Variants in PPM1L observed in about 807,000 individuals in gnomAD.
The protein encoded by PPM1L is protein phosphatase, Mg2+/Mn2+ dependent 1L, also known as protein phosphatase 1L.
A neutral mutation model predicts 31.4 loss-of-function variants in PPM1L; 13 were observed. That is an observed-to-expected ratio of 0.41 (90% CI 0.27 to 0.66). The LOEUF (loss-of-function observed/expected upper bound fraction) is 0.66. PPM1L is among the 30% of genes least tolerant of loss of function. PPM1L has a pLI of 0.29. For missense variants in PPM1L, 326 were observed against 453.7 expected (o/e 0.72, Z 2.56); for synonymous variants, 184 against 175.4 (o/e 1.05, Z -0.39).
Position 160,849,670 on chromosome 3 carries a change from C to T in PPM1L, c.399+92963C>T, listed in dbSNP as rs139726744. ...CGATCTCCTGACCTTGTGATCCGCC[C>T]GCCTCAGCCTCCCGAGTATCTGGGA... is the stretch of plus-strand genomic sequence containing the variant. On this transcript the variant is annotated intron_variant, in intron 1 of 3. Coordinates refer to ENST00000498165, the MANE Select transcript of PPM1L (RefSeq NM_139245.4). Among the ~76,000 whole-genome samples, 909 of 147,160 alleles carry T rather than the reference C, an allele frequency of 6.2e-3. 9 individuals carry two copies. Among genetic ancestry groups the T allele is most frequent in the African/African-American group, 0.021 (838 of 39,918 alleles).
intron 1 of PPM1L, among the ~76,000 whole-genome samples, chr3:160,876,577 C>T (rs1187012712): frequency 7.2e-5 from 11 of 152,238 alleles, no homozygotes; most frequent in Non-Finnish European, 2.9e-5. Context: ...GCTCCTGTTA[C>T]TGCAGACACT....
intron 1 of PPM1L, among the ~76,000 whole-genome samples, chr3:160,888,991 A>C (rs1034748287): frequency 3.3e-5 from 5 of 152,250 alleles, no homozygotes; most frequent in Admixed American, 3.3e-4. Context: ...TCTCTGGGAC[A>C]CAGCTAAAGC....
At chr3:160,958,329 T>C (rs1158267150) in intron 1 of PPM1L, among the ~76,000 whole-genome samples, 2 of 152,196 alleles carry the variant, frequency 1.3e-5, no homozygotes, top group Non-Finnish European at 2.9e-5. Context: ...CGAGTTAATT[T>C]TTGTATATTG....
chr3:160,798,767 A>G (rs1006784325), intron 1 of PPM1L, among the ~76,000 whole-genome samples: 2 of 152,196 alleles, frequency 1.3e-5, no homozygotes, highest in Non-Finnish European at 1.5e-5. Context: ...TTCAGGTCTT[A>G]TTATTTAGGA....
At chr3:161,068,772 T>C (rs762359869) in intron 3 of PPM1L, 39 bp from the exon 4 acceptor site, 5 of 1,531,222 alleles carry the variant, frequency 3.3e-6, no homozygotes, top group Non-Finnish European at 3.6e-6. Context: ...AAGTGAGATA[T>C]CAGCTGGTCA....
At chr3:160,966,812 A>G (rs1469611217) in intron 2 of PPM1L, among the ~76,000 whole-genome samples, 3 of 152,138 alleles carry the variant, frequency 2.0e-5, no homozygotes, top group Non-Finnish European at 4.4e-5. Context: ...ACTACACTCA[A>G]AGTCACATTA....
At chr3:161,025,243 T>A (rs1718345392) in intron 2 of PPM1L, among the ~76,000 whole-genome samples, 2 of 152,206 alleles carry the variant, frequency 1.3e-5, no homozygotes, top group South Asian at 4.2e-4. Flanking sequence ...GAGCTTCTCC[T>A]TCATGAATAG....
At chr3:160,919,994 G>T (rs1416804536) in intron 1 of PPM1L, among the ~76,000 whole-genome samples, 1 of 152,008 alleles carries the variant, frequency 6.6e-6, no homozygotes, top group Non-Finnish European at 1.5e-5. Flanking sequence ...TATTGCCTTG[G>T]ACTCCCAGGG....
chr3:160,825,266 G>A (rs73155994), intron 1 of PPM1L, among the ~76,000 whole-genome samples: 11 of 152,096 alleles, frequency 7.2e-5, no homozygotes, highest in Non-Finnish European at 1.3e-4. Context: ...AAATAGAACC[G>A]TAAGGTGTCA....
At chr3:160,980,530 C>T (rs1190829255) in intron 2 of PPM1L, among the ~76,000 whole-genome samples, 2 of 151,236 alleles carry the variant, frequency 1.3e-5, no homozygotes, top group South Asian at 2.1e-4. Flanking sequence ...TAGCTGGACA[C>T]GGTGGCATGC....
chr3:160,932,374 T>C (rs1008446330), intron 1 of PPM1L, among the ~76,000 whole-genome samples: 2 of 152,206 alleles, frequency 1.3e-5, no homozygotes, highest in African/African-American at 2.4e-5. Flanking sequence ...GGACAGTGCA[T>C]TAAGAAACTT....
At chr3:160,785,739 A>G (rs934903794) in intron 1 of PPM1L, among the ~76,000 whole-genome samples, 2 of 151,640 alleles carry the variant, frequency 1.3e-5, no homozygotes, top group African/African-American at 4.8e-5. Context: ...TGAACCATTC[A>G]TTATGTAACC....
At chr3:160,960,558 TTGTGTGTGTGTGTGTGTGTGTG>T (rs59297068) in intron 1 of PPM1L, among the ~76,000 whole-genome samples, 43 of 145,572 alleles carry the variant, frequency 3.0e-4, no homozygotes, top group Admixed American at 1.3e-3. Flanking sequence ...TTTAGCAGTT[TTGTGTGTGTGTGTGTGTGTGTG>T]TGTGTGTGTG....
chr3:160,890,826 C>T (rs1053440037), intron 1 of PPM1L, among the ~76,000 whole-genome samples: 3 of 152,168 alleles, frequency 2.0e-5, no homozygotes, highest in Admixed American at 2.0e-4. Flanking sequence ...CGCCACACAT[C>T]TACAACCATC....
intron 1 of PPM1L, among the ~76,000 whole-genome samples, chr3:160,835,927 T>TCC (rs1330944963): frequency 3.9e-5 from 6 of 152,034 alleles, no homozygotes; most frequent in Non-Finnish European, 1.5e-5. Context: ...CCAGGGGGTA[T>TCC]CTAGGGATAC....
At position 160,999,611 on chromosome 3, in the gene PPM1L, A is replaced by G. The variant is rs764658108; in HGVS notation, c.574+37701A>G. ...GCTGTCAGGCGTAAACATGTTTTCA[A>G]TGCAACCACTTTAATGCTCCTACTC... On this transcript the variant is annotated intron_variant, in intron 2 of 3. Coordinates refer to ENST00000498165, the MANE Select transcript of PPM1L (RefSeq NM_139245.4). Among the ~76,000 whole-genome samples, 11 of 152,354 alleles carry G rather than the reference A, an allele frequency of 7.2e-5. No individual in the cohort carries two copies. In the Middle Eastern group the frequency reaches 0.01, roughly 141 times the overall value.
Position 161,078,444 on chromosome 3 carries a change from CTTTAT to C in PPM1L, c.*9292_*9296del, listed in dbSNP as rs908723317. 6.6e-6 allele frequency: 1 copy of C among 152,142 alleles called. No homozygotes were observed. The highest frequency in any genetic ancestry group is 2.4e-5 in the African/African-American group (1 of 41,428). The allele number at this position is 152,142 out of a possible 1,614,324, so 9.4% of individuals were successfully genotyped here. ...CAGGATCTATAATTTATTGGCAATA[CTTTAT>C]TTTAGGAATCTTCAAATTGTACTTA... On this transcript the variant is annotated 3_prime_UTR_variant, in exon 4 of 4. Transcript: ENST00000498165.
intron 2 of PPM1L, among the ~76,000 whole-genome samples, chr3:161,043,046 T>A (rs1232005062): frequency 1.3e-5 from 2 of 150,956 alleles, no homozygotes; most frequent in Non-Finnish European, 3.0e-5. Flanking sequence ...TGTTATTTTT[T>A]TTTTTTTTCA....
Position 160,781,087 on chromosome 3 carries a change from C to T in PPM1L, c.399+24380C>T, listed in dbSNP as rs76184145. Among the ~76,000 whole-genome samples the T allele has an allele frequency of 2.9e-3, 436 of 152,198 alleles. 2 individuals carry two copies. The highest frequency in any genetic ancestry group is 9.9e-3 in the African/African-American group (411 of 41,540). ...GGAAGTACACATATTAACAGGTATACGTTGCTATTCTCTAACTTAATGAAT... is the reference window on the plus strand; with the variant it reads ...GGAAGTACACATATTAACAGGTATATGTTGCTATTCTCTAACTTAATGAAT... On this transcript the variant is annotated intron_variant, in intron 1 of 3. Coordinates refer to ENST00000498165, the MANE Select transcript of PPM1L (RefSeq NM_139245.4).
Sources: gnomAD v4.1 joint callset for allele counts (sites outside exome capture counted in the v4.1 genomes callset) on GRCh38, gnomAD v4.1.1 for gene constraint, MANE v1.5 for transcripts, NCBI Gene and HGNC (gene_info 2026-07-23, HGNC 2026-07-21) for gene names.